The following CFAP74 variants were observed in gnomAD, a reference collection of about 807,000 sequenced individuals.
CFAP74 encodes cilia- and flagella-associated protein 74.
In CFAP74, 124 loss-of-function variants were observed where a neutral mutation model predicts 188.9. That is an observed-to-expected ratio of 0.66 (90% CI 0.57 to 0.76). The LOEUF (loss-of-function observed/expected upper bound fraction) is 0.76. Among genes scored for constraint, CFAP74 ranks in the 30% least tolerant of loss-of-function variants. The probability of loss-of-function intolerance (pLI) is 0.00; values close to 1 mark genes in which losing one functional copy is unlikely to be tolerated. For synonymous variants in CFAP74, 956 were observed against 916.7 expected (o/e 1.04, Z -0.77); for missense variants, 2,198 against 2,165.2 (o/e 1.02, Z -0.30).
intron 1 of CFAP74, 96 bp from the exon 2 acceptor site, chr1:1,991,071 A>C: frequency 4.1e-4 from 316 of 761,882 alleles, no homozygotes; most frequent in Middle Eastern, 1.2e-3. Flanking sequence ...TAAGAAAACA[A>C]ACGACAGATT....
intron 18 of CFAP74, among the ~76,000 whole-genome samples, chr1:1,949,501 T>C (rs1338260141): frequency 6.6e-6 from 1 of 151,416 alleles, no homozygotes; most frequent in Non-Finnish European, 1.5e-5. Flanking sequence ...TTTTTTTTTA[T>C]TTTTTATTTT....
chr1:1,963,907 G>T (rs1655280837), intron 13 of CFAP74, 40 bp from the exon 14 acceptor site: 1 of 1,363,422 alleles, frequency 7.3e-7, no homozygotes, highest in South Asian at 1.2e-5. Context: ...GCGGGTCACA[G>T]GGGGCTGTGC....
chr1:1,952,873 G>C (rs1654291566), intron 18 of CFAP74, among the ~76,000 whole-genome samples: 1 of 152,074 alleles, frequency 6.6e-6, no homozygotes, highest in Non-Finnish European at 1.5e-5. Context: ...TCCCAGGCTG[G>C]TCTCAAACTC....
chr1:1,969,489 T>C (rs1402056135), intron 10 of CFAP74, among the ~76,000 whole-genome samples: 1 of 111,712 alleles, frequency 9.0e-6, no homozygotes, highest in Non-Finnish European at 1.8e-5. Context: ...GGCCCAGCCC[T>C]GCCCACTTCG....
Position 1,964,675 on chromosome 1 carries a change from T to A in CFAP74, c.1575+213A>T, listed in dbSNP as rs532585558. ...CGTGGTGGCAGGCGCCTGTAATCCC[T>A]GCTACTCGGGAGGCTGAGGCAGGAG... On this transcript the variant is annotated intron_variant, in intron 13 of 38. Coordinates refer to ENST00000682832, the MANE Select transcript of CFAP74 (RefSeq NM_001304360.2). Among the ~76,000 whole-genome samples the A allele has an allele frequency of 2.2e-3, 335 of 152,142 alleles. 1 individual carries two copies. The highest frequency in any genetic ancestry group is 4.0e-3 in the Non-Finnish European group (269 of 67,962).
intron 18 of CFAP74, chr1:1,954,170 C>G (rs1189484673): frequency 1.3e-5 from 2 of 152,306 alleles, no homozygotes; most frequent in East Asian, 3.8e-4. Flanking sequence ...GCAGGCCCCC[C>G]AGACAAGCAG....
intron 1 of CFAP74, among the ~76,000 whole-genome samples, chr1:1,993,775 G>T (rs901749411): frequency 2.0e-5 from 3 of 151,882 alleles, no homozygotes; most frequent in African/African-American, 7.3e-5. Flanking sequence ...GAGGTCAGGA[G>T]ATCGAGACCA....
chr1:1,981,053 C>T (rs1362588207), intron 6 of CFAP74, among the ~76,000 whole-genome samples: 1 of 152,218 alleles, frequency 6.6e-6, no homozygotes, highest in Non-Finnish European at 1.5e-5. Flanking sequence ...ACAACGGAGG[C>T]CTCCCGGGAC....
chr1:1,970,871 A>C, intron 9 of CFAP74, 55 bp from the exon 10 acceptor site: 2 of 1,600,942 alleles, frequency 1.2e-6, no homozygotes, highest in Non-Finnish European at 1.7e-6. Context: ...GCACATGCAC[A>C]CGCTCACACC....
At chr1:1,937,153 T>C (rs894047444) in intron 25 of CFAP74, among the ~76,000 whole-genome samples, 2 of 152,192 alleles carry the variant, frequency 1.3e-5, no homozygotes, top group Non-Finnish European at 1.5e-5. Flanking sequence ...AACTGCAACA[T>C]GGCCGTGATT....
Position 1,923,677 on chromosome 1 carries a change from A to G in CFAP74, c.4389+98T>C, listed in dbSNP as rs1049281007. 6.4e-7 allele frequency: 1 copy of G among 1,569,634 alleles called. No individual in the cohort carries two copies. Among genetic ancestry groups the G allele is most frequent in the Non-Finnish European group, 8.7e-7 (1 of 1,144,654 alleles). On this transcript the variant is annotated intron_variant, in intron 35 of 38. Coordinates refer to ENST00000682832, the MANE Select transcript of CFAP74 (RefSeq NM_001304360.2). The surrounding 1 kb of genome is among the most constrained non-coding windows in gnomAD (Gnocchi z 6.3). ...TGGTGCTGAGTCCCCCAGCCATGGTACCCTCAGGGCCTCCAAAGTGGAGCA... is the reference window on the plus strand; with the variant it reads ...TGGTGCTGAGTCCCCCAGCCATGGTGCCCTCAGGGCCTCCAAAGTGGAGCA...
Position 1,990,924 on chromosome 1 carries a change from G to A in CFAP74, c.33C>T (p.Asp11=), listed in dbSNP as rs760730730. 1.4e-5 allele frequency: 22 copies of A among 1,612,938 alleles called. No homozygotes were observed. Among genetic ancestry groups the A allele is most frequent in the East Asian group, 6.7e-5 (3 of 44,866 alleles). The change falls in exon 2 of 39, where the codon GAC becomes GAT. Residue 11 remains aspartate, a synonymous_variant. Coordinates refer to ENST00000682832, the MANE Select transcript of CFAP74 (RefSeq NM_001304360.2). ...AAAGAAGGGCATCGGCCAAAAGCTC[G>A]TCCTCAGGGAGCAGGCTGCCGTCAT... The part of the protein sequence containing the change: MEDDGSLLPE[D]ELLADALLLE...
chr1:1,924,512 G>A lies in CFAP74; in HGVS notation c.4113C>T (p.Asn1371=). 1 of 1,605,262 alleles carries A rather than the reference G, an allele frequency of 6.2e-7. No homozygotes were observed. Among genetic ancestry groups the A allele is most frequent in the Non-Finnish European group, 8.5e-7 (1 of 1,176,792 alleles). ...AGAACTTGATGGGGAGCAGAGAGTT[G>A]TTCTGCAGCTGCAGAGAGCAGGCCG... The part of the protein sequence containing the change: ...ESVSSGFKLQ[N]NSLLPIKFSM... The change falls in exon 34 of 39, where the codon AAC becomes AAT. Residue 1371 remains asparagine (N), a synonymous_variant. Transcript: ENST00000682832.
At chr1:1,962,649 C>T (rs947295292) in intron 14 of CFAP74, among the ~76,000 whole-genome samples, 11 of 152,158 alleles carry the variant, frequency 7.2e-5, no homozygotes, top group Admixed American at 3.9e-4. Flanking sequence ...CTTGGGGAGG[C>T]TGAGGCAGGT....
rs1056533599 is a variant in CFAP74 at position 1,942,423 on chromosome 1, G to A, written c.2487-267C>T. On this transcript the variant is annotated intron_variant, in intron 21 of 38. Transcript: ENST00000682832. This position sits in a 1 kb window ranked among gnomAD's most constrained non-coding sequence, Gnocchi z 4.3. ...GGAAGCACGGTCCTAATGGGCTCTC[G>A]GGAACCAGATGCTTTCCGGGAAGAG... Among the ~76,000 whole-genome samples the A allele has an allele frequency of 6.6e-6, 1 of 152,130 alleles. No homozygotes were observed. Among genetic ancestry groups the A allele is most frequent in the Admixed American group, 6.5e-5 (1 of 15,284 alleles).
rs1428077009 is a variant in CFAP74, at chr1:1,927,673, C to T, written c.3461G>A (p.Arg1154His). 7.1e-6 allele frequency: 11 copies of T among 1,550,074 alleles called. No homozygotes were observed. The highest frequency in any genetic ancestry group is 2.4e-5 in the East Asian group (1 of 40,926). ...LSFSVLRAQNRDKLFKVSVPH... is the reference protein window; with the variant it reads ...LSFSVLRAQNHDKLFKVSVPH... ...GACAGAGACTTTGAACAGCTTGTCG[C>T]GGTTCTGTGCTCGAAGAACGGAGAA... The change falls in exon 28 of 39, where the codon CGC becomes CAC. Residue 1154 changes from arginine to histidine, a missense_variant. Arg to His is a conservative substitution (Grantham distance 29). Coordinates refer to ENST00000682832, the MANE Select transcript of CFAP74 (RefSeq NM_001304360.2).
intron 18 of CFAP74, among the ~76,000 whole-genome samples, chr1:1,951,169 G>A (rs896431001): frequency 3.8e-4 from 58 of 152,144 alleles, no homozygotes; most frequent in Admixed American, 3.5e-3. Context: ...AAGCAGGCAC[G>A]TCTCACACAG....
rs537308817 is a variant in CFAP74 at position 1,999,464 on chromosome 1, C to T, written c.-20+4237G>A. On this transcript the variant is annotated intron_variant, in intron 1 of 38. Transcript: ENST00000682832. ...TTACTTCAGAATTTCTCAAATAAAA[C>T]GCTAAAGACATTAGGCACAAAGGGA... Among the ~76,000 whole-genome samples the T allele has an allele frequency of 4.6e-5, 7 of 152,234 alleles. No homozygotes were observed. In the South Asian group the frequency reaches 1.5e-3, roughly 32 times the overall value.
rs565316995 is a variant in CFAP74 at position 1,941,454 on chromosome 1, G to T, written c.2615+574C>A. On this transcript the variant is annotated intron_variant, in intron 22 of 38. Transcript: ENST00000682832. ...GTTCACCTGGCAAAAGCAGAGACCA[G>T]GGGATGCAGCCAGCAGGCCTGGGAA... 2.0e-5 allele frequency among the ~76,000 whole-genome samples: 3 copies of T among 152,338 alleles called. No individual in the cohort carries two copies. In the South Asian group the frequency reaches 6.2e-4, roughly 32 times the overall value.
Sources: gnomAD v4.1 joint callset for allele counts (sites outside exome capture counted in the v4.1 genomes callset) on GRCh38, gnomAD v4.1.1 for gene constraint, Gnocchi (gnomAD v3.1) non-coding constraint, MANE v1.5 for transcripts, NCBI Gene and HGNC (gene_info 2026-07-23, HGNC 2026-07-21) for gene names.